LGSN: variants seen among roughly 807,000 people sequenced by gnomAD.
The protein encoded by LGSN is lengsin, lens protein with glutamine synthetase domain, also known as lengsin.
Under a neutral mutation model 19.5 loss-of-function variants are expected in LGSN, and 21 were observed. The observed-to-expected ratio is 1.07, with a 90% CI of 0.76 to 1.55. The LOEUF (loss-of-function observed/expected upper bound fraction) is 1.55. Ranked by LOEUF, LGSN falls within the 40% of genes most tolerant of loss-of-function variation. LGSN has a pLI of 0.00. For missense variants in LGSN, 673 were observed against 608.5 expected, an observed-to-expected ratio of 1.11 and a Z score of -1.12; for synonymous variants, 257 against 215.6, an observed-to-expected ratio of 1.19 and a Z score of -1.68.
upstream of LGSN, among the ~76,000 whole-genome samples, chr6:63,322,129 T>A (rs533304371): frequency 6.6e-6 from 1 of 152,298 alleles, no homozygotes; most frequent in East Asian, 1.9e-4. Context: ...TTCTGATGAA[T>A]TATTGAACAG....
the LGSN span, among the ~76,000 whole-genome samples, chr6:63,513,828 T>G: frequency 1.3e-5 from 2 of 148,326 alleles, no homozygotes; most frequent in Non-Finnish European, 1.5e-5. Flanking sequence ...GGAGAATTGC[T>G]TAAACCTAGG....
chr6:63,555,691 TC>T, the LGSN span, among the ~76,000 whole-genome samples: 2 of 146,110 alleles, frequency 1.4e-5, no homozygotes, highest in Admixed American at 6.8e-5. Flanking sequence ...TCAATTACAC[TC>T]TTTTTTTTTT....
chr6:63,537,523 C>T, the LGSN span, among the ~76,000 whole-genome samples: 3 of 152,292 alleles, frequency 2.0e-5, no homozygotes, highest in Non-Finnish European at 4.4e-5. Context: ...TGCCTTAGAG[C>T]GTACCTTTTC....
the LGSN span, among the ~76,000 whole-genome samples, chr6:63,473,618 T>A: frequency 6.6e-6 from 1 of 152,020 alleles, no homozygotes. Context: ...TGTATTTTAA[T>A]AGATTCTATA....
At chr6:63,450,089 G>A in the LGSN span, among the ~76,000 whole-genome samples, 1 of 150,996 alleles carries the variant, frequency 6.6e-6, no homozygotes, top group African/African-American at 2.4e-5. Flanking sequence ...GCTCACGCCT[G>A]TAACCCCAGC....
chr6:63,442,596 T>C, the LGSN span, among the ~76,000 whole-genome samples: 1 of 151,542 alleles, frequency 6.6e-6, no homozygotes, highest in Admixed American at 6.6e-5. Context: ...TTTACAAACC[T>C]TGAGCTAGAC....
In LGSN at chr6:63,297,744, A is replaced by G. The variant is rs1768033343; in HGVS notation, c.31-2699T>C. 2.0e-5 allele frequency among the ~76,000 whole-genome samples: 3 copies of G among 152,172 alleles called. 1 individual carries two copies. Among genetic ancestry groups the G allele is most frequent in the African/African-American group, 4.8e-5 (2 of 41,430 alleles). ...AGGGCCTTGACATTCTCATCTGTAA[A>G]CACTAATATAAATAAAATCATATTG... On this transcript the variant is annotated intron_variant, in intron 1 of 3. Transcript: ENST00000370657.
chr6:63,455,098 T>A, the LGSN span, among the ~76,000 whole-genome samples: 1 of 152,174 alleles, frequency 6.6e-6, no homozygotes, highest in East Asian at 1.9e-4. Flanking sequence ...TGGCCAAGTT[T>A]TTACATTTTC....
chr6:63,471,622 C>T, the LGSN span, among the ~76,000 whole-genome samples: 8 of 150,342 alleles, frequency 5.3e-5, no homozygotes, highest in South Asian at 2.1e-4. Flanking sequence ...CTGAGATCAC[C>T]GCCACTGCAC....
chr6:63,425,687 C>A, the LGSN span, among the ~76,000 whole-genome samples: 3 of 152,012 alleles, frequency 2.0e-5, no homozygotes, highest in African/African-American at 7.2e-5. Context: ...CAGAAATATA[C>A]TGGATCTTGG....
At chr6:63,292,842 C>T (rs765576915) in intron 2 of LGSN, among the ~76,000 whole-genome samples, 2 of 152,114 alleles carry the variant, frequency 1.3e-5, no homozygotes, top group Non-Finnish European at 2.9e-5. Flanking sequence ...TAAGTCTTTC[C>T]AGCAAATTAC....
chr6:63,525,947 A>G, the LGSN span, among the ~76,000 whole-genome samples: 1 of 152,166 alleles, frequency 6.6e-6, no homozygotes, highest in African/African-American at 2.4e-5. Flanking sequence ...GTCTCTTCCA[A>G]TTGTCAATTG....
At chr6:63,441,429 G>T in the LGSN span, 1 of 459,054 alleles carries the variant, frequency 2.2e-6, no homozygotes, top group Admixed American at 2.6e-5. Context: ...AATAACCTCT[G>T]GATCCCGGCC....
At chr6:63,440,243 C>G in the LGSN span, among the ~76,000 whole-genome samples, 3 of 152,178 alleles carry the variant, frequency 2.0e-5, no homozygotes, top group Non-Finnish European at 4.4e-5. Context: ...CTGACTGATT[C>G]TCCCTGCATA....
the LGSN span, among the ~76,000 whole-genome samples, chr6:63,482,269 G>T: frequency 1.3e-5 from 2 of 151,918 alleles, no homozygotes; most frequent in African/African-American, 4.8e-5. Flanking sequence ...CCAACACCTA[G>T]ATCATAGAGC....
chr6:63,356,758 G>T, the LGSN span, among the ~76,000 whole-genome samples: 4 of 152,138 alleles, frequency 2.6e-5, no homozygotes, highest in East Asian at 5.8e-4. Context: ...TGCCAAAACT[G>T]CAACATGACC....
At chr6:63,354,258 T>G in the LGSN span, among the ~76,000 whole-genome samples, 10 of 152,128 alleles carry the variant, frequency 6.6e-5, no homozygotes, top group African/African-American at 2.4e-4. Flanking sequence ...GACAAGGGAC[T>G]GATATCCAAA....
chr6:63,511,104 G>A, the LGSN span, among the ~76,000 whole-genome samples: 1 of 152,108 alleles, frequency 6.6e-6, no homozygotes, highest in Non-Finnish European at 1.5e-5. Flanking sequence ...AACAATCAGG[G>A]CACTTAACAC....
the LGSN span, among the ~76,000 whole-genome samples, chr6:63,450,624 A>C: frequency 6.6e-6 from 1 of 152,010 alleles, no homozygotes; most frequent in Admixed American, 6.6e-5. Context: ...ATAAAGGTAA[A>C]TAAAAAAGCA....
Sources: allele counts gnomAD v4.1 joint callset (sites outside exome capture counted in the v4.1 genomes callset), GRCh38; gene constraint gnomAD v4.1.1; transcripts MANE v1.5; gene names NCBI Gene and HGNC (gene_info 2026-07-23, HGNC 2026-07-21).